ARL15: variants seen among roughly 807,000 people sequenced by gnomAD.
The protein encoded by ARL15 is ARF like GTPase 15, also known as ADP-ribosylation factor-like protein 15.
ARL15 carries 19 observed loss-of-function variants against 25.2 expected under a neutral mutation model. That is an observed-to-expected ratio of 0.75 (90% CI 0.53 to 1.10). The LOEUF (loss-of-function observed/expected upper bound fraction) is 1.10, where lower values mean the gene tolerates loss of function less well. ARL15 is among the 50% of genes least tolerant of loss of function. The pLI is 0.00. For missense variants in ARL15, 220 were observed against 246.0 expected (o/e 0.89, Z 0.71); for synonymous variants, 94 against 86.8 (o/e 1.08, Z -0.46).
intron 2 of ARL15, among the ~76,000 whole-genome samples, chr5:54,163,356 CTTTTTTTTTTTTTTTTTTTTTTT>C (rs869196680): frequency 1.8e-5 from 1 of 55,652 alleles, no homozygotes; most frequent in Non-Finnish European, 3.5e-5. Context: ...TGGTATGAAG[CTTTTTTTTTTTTTTTTTTTTTTT>C]TTTTTTTTTT....
intron 1 of ARL15, among the ~76,000 whole-genome samples, chr5:54,261,521 T>C (rs1455639539): frequency 6.6e-6 from 1 of 151,920 alleles, no homozygotes; most frequent in Non-Finnish European, 1.5e-5. Flanking sequence ...ACTGGACATA[T>C]GTTGGGTATG....
chr5:54,183,167 C>T (rs1314181989), intron 1 of ARL15, among the ~76,000 whole-genome samples: 1 of 91,788 alleles, frequency 1.1e-5, no homozygotes. Context: ...ATTGCCCCAG[C>T]CAGAACTTCC....
chr5:54,002,835 C>G (rs1748890250), intron 4 of ARL15, among the ~76,000 whole-genome samples: 1 of 152,198 alleles, frequency 6.6e-6, no homozygotes, highest in Non-Finnish European at 1.5e-5. Context: ...TAACTATGCT[C>G]TCATTGCTAA....
At chr5:54,214,268 A>G (rs1018120470) in intron 1 of ARL15, among the ~76,000 whole-genome samples, 2 of 152,222 alleles carry the variant, frequency 1.3e-5, no homozygotes, top group South Asian at 2.1e-4. Context: ...GGAGTAGATA[A>G]GAGATATCTT....
In ARL15 at chr5:54,136,767, A is replaced by G. The variant is rs1421854180; in HGVS notation, c.253+17813T>C. ...AATTCTTTTTATAGCCACAGGGCTGAGAGTTTTGCTGTTTATATCTATCCC... is the reference window on the plus strand; with the variant it reads ...AATTCTTTTTATAGCCACAGGGCTGGGAGTTTTGCTGTTTATATCTATCCC... On this transcript the variant is annotated intron_variant, in intron 3 of 4. Transcript: ENST00000504924. 3.9e-5 allele frequency among the ~76,000 whole-genome samples: 6 copies of G among 152,142 alleles called. No homozygotes were observed. In the East Asian group the frequency reaches 1.2e-3, roughly 29 times the overall value.
At chr5:54,203,637 C>A (rs1223538941) in intron 1 of ARL15, among the ~76,000 whole-genome samples, 2 of 152,070 alleles carry the variant, frequency 1.3e-5, no homozygotes, top group Non-Finnish European at 2.9e-5. Flanking sequence ...CAAGCTTCTA[C>A]CTCCCCTCAG....
Position 53,972,799 on chromosome 5 carries a change from G to A in ARL15, c.463-86086C>T, listed in dbSNP as rs958700818. On this transcript the variant is annotated intron_variant, in intron 4 of 4. Coordinates refer to ENST00000504924, the MANE Select transcript of ARL15 (RefSeq NM_019087.3). ...AGAATTAGTCTCACCCTCCAATATC[G>A]GTATTGTACTGAGATTTCAACGTCA... Among the ~76,000 whole-genome samples, 16 of 151,814 alleles carry A rather than the reference G, an allele frequency of 1.1e-4. No individual in the cohort carries two copies. The East Asian group carries it at 1.9e-3, about 18-fold the overall frequency.
chr5:53,894,266 C>T (rs1744803490), intron 4 of ARL15, among the ~76,000 whole-genome samples: 1 of 152,226 alleles, frequency 6.6e-6, no homozygotes, highest in Non-Finnish European at 1.5e-5. Flanking sequence ...GAGCCTTGCT[C>T]TTACTATAAG....
intron 4 of ARL15, among the ~76,000 whole-genome samples, chr5:53,963,626 G>C (rs1403209954): frequency 6.6e-6 from 1 of 152,068 alleles, no homozygotes; most frequent in African/African-American, 2.4e-5. Context: ...TGGCCAACAT[G>C]GTGAAACCCT....
chr5:54,069,309 G>A (rs779314857), intron 4 of ARL15, among the ~76,000 whole-genome samples: 1 of 151,996 alleles, frequency 6.6e-6, no homozygotes. Flanking sequence ...AGTGGCTCAC[G>A]CCTATAATCC....
intron 4 of ARL15, among the ~76,000 whole-genome samples, chr5:54,077,540 A>G (rs1424630324): frequency 6.6e-6 from 1 of 152,188 alleles, no homozygotes. Context: ...TTGGTTGTCT[A>G]TGTCAGCCAT....
intron 2 of ARL15, among the ~76,000 whole-genome samples, chr5:54,171,357 C>T (rs1380650081): frequency 5.3e-5 from 8 of 152,274 alleles, no homozygotes; most frequent in Non-Finnish European, 1.5e-5. Flanking sequence ...CACTGACTTT[C>T]CTCCAGGTGA....
chr5:54,178,785 A>G (rs1754963274), intron 1 of ARL15, among the ~76,000 whole-genome samples: 1 of 152,244 alleles, frequency 6.6e-6, no homozygotes, highest in South Asian at 2.1e-4. Flanking sequence ...TTGATTTAGA[A>G]CAAAATATTT....
At chr5:54,294,840 T>C (rs1376110789) in intron 1 of ARL15, among the ~76,000 whole-genome samples, 1 of 152,238 alleles carries the variant, frequency 6.6e-6, no homozygotes, top group Admixed American at 6.5e-5. Context: ...ATAAAGCAAT[T>C]GGGATAAATA....
chr5:54,290,158 A>G (rs1421393023), intron 1 of ARL15, among the ~76,000 whole-genome samples: 1 of 152,166 alleles, frequency 6.6e-6, no homozygotes, highest in Non-Finnish European at 1.5e-5. Context: ...CTCTGTCTCA[A>G]CAGAGCCAGC....
At chr5:53,920,668 A>G (rs1424407247) in intron 4 of ARL15, among the ~76,000 whole-genome samples, 1 of 150,670 alleles carries the variant, frequency 6.6e-6, no homozygotes, top group African/African-American at 2.4e-5. Context: ...TAAATAAATA[A>G]ATAAATAAAT....
At chr5:53,935,186 T>C (rs1023737304) in intron 4 of ARL15, among the ~76,000 whole-genome samples, 1 of 152,130 alleles carries the variant, frequency 6.6e-6, no homozygotes, top group Non-Finnish European at 1.5e-5. Context: ...TACAAGCCAA[T>C]TGGGTGCTAC....
chr5:53,986,287 G>A (rs1051070374), intron 4 of ARL15, among the ~76,000 whole-genome samples: 4 of 152,090 alleles, frequency 2.6e-5, no homozygotes, highest in African/African-American at 9.7e-5. Flanking sequence ...ACAATATACT[G>A]CTAGAGAGAA....
chr5:54,046,313 T>C (rs541643602), intron 4 of ARL15, among the ~76,000 whole-genome samples: 1 of 152,206 alleles, frequency 6.6e-6, no homozygotes, highest in East Asian at 1.9e-4. Context: ...AAACCCTGTC[T>C]CTACTAAAAA....
Sources: gnomAD v4.1 joint callset for allele counts (sites outside exome capture counted in the v4.1 genomes callset) on GRCh38, gnomAD v4.1.1 for gene constraint, MANE v1.5 for transcripts, NCBI Gene and HGNC (gene_info 2026-07-23, HGNC 2026-07-21) for gene names.